Variants in ARK2N observed in about 807,000 individuals in gnomAD.
ARK2N encodes the protein protein ARK2N.
the ARK2N span, among the ~76,000 whole-genome samples, chr18:46,234,985 A>G: frequency 1.3e-5 from 2 of 152,076 alleles, no homozygotes; most frequent in South Asian, 2.1e-4. Flanking sequence ...GTATTTGTCC[A>G]TTGCCCCACC....
the ARK2N span, among the ~76,000 whole-genome samples, chr18:46,200,567 A>G: frequency 6.6e-6 from 1 of 152,122 alleles, no homozygotes; most frequent in African/African-American, 2.4e-5. Flanking sequence ...CAGCCTCCCA[A>G]AGTGCTGAGA....
At chr18:46,260,403 A>G in the ARK2N span, among the ~76,000 whole-genome samples, 3 of 152,142 alleles carry the variant, frequency 2.0e-5, 1 homozygote, top group South Asian at 6.2e-4. Context: ...ATAATCTAAA[A>G]TTTTGAAGTA....
the ARK2N span, among the ~76,000 whole-genome samples, chr18:46,178,656 C>A: frequency 6.6e-6 from 1 of 152,108 alleles, no homozygotes; most frequent in Non-Finnish European, 1.5e-5. Context: ...TGCAGTGGCT[C>A]ATGCCTGTAA....
At chr18:46,175,197 C>T in the ARK2N span, among the ~76,000 whole-genome samples, 1 of 151,424 alleles carries the variant, frequency 6.6e-6, no homozygotes, top group African/African-American at 2.4e-5. Flanking sequence ...CGGTACGAGC[C>T]CTACCAGATC....
the ARK2N span, among the ~76,000 whole-genome samples, chr18:46,250,306 C>T: frequency 6.6e-6 from 1 of 152,036 alleles, no homozygotes; most frequent in Non-Finnish European, 1.5e-5. Context: ...GTTATGTGAA[C>T]TGCTTATTGG....
the ARK2N span, chr18:46,215,955 A>G: frequency 2.5e-6 from 4 of 1,614,208 alleles, no homozygotes; most frequent in Non-Finnish European, 3.4e-6. Context: ...CATCTGAACA[A>G]GAGACAGCCA....
At chr18:46,194,114 G>T in the ARK2N span, among the ~76,000 whole-genome samples, 1 of 151,960 alleles carries the variant, frequency 6.6e-6, no homozygotes, top group Non-Finnish European at 1.5e-5. Flanking sequence ...TACATGCCTG[G>T]CTAATTTTTA....
the ARK2N span, among the ~76,000 whole-genome samples, chr18:46,199,357 C>T: frequency 6.6e-6 from 1 of 151,938 alleles, no homozygotes; most frequent in African/African-American, 2.4e-5. Flanking sequence ...CGCTGTTGCC[C>T]AGGCTGGAGT....
chr18:46,251,008 A>G, the ARK2N span, among the ~76,000 whole-genome samples: 1 of 152,222 alleles, frequency 6.6e-6, no homozygotes, highest in Admixed American at 6.5e-5. Flanking sequence ...CTCTGCATAT[A>G]TCGCAGGTTC....
chr18:46,248,270 C>T, the ARK2N span, among the ~76,000 whole-genome samples: 2 of 152,154 alleles, frequency 1.3e-5, no homozygotes, highest in Non-Finnish European at 2.9e-5. Context: ...GGGGAGACAA[C>T]GTCTTCAGGA....
chr18:46,236,700 A>G, the ARK2N span, among the ~76,000 whole-genome samples: 1 of 152,208 alleles, frequency 6.6e-6, no homozygotes, highest in Non-Finnish European at 1.5e-5. Flanking sequence ...TTGAAAGTCA[A>G]AACAGTCTCT....
chr18:46,224,230 T>C, the ARK2N span, among the ~76,000 whole-genome samples: 1 of 152,206 alleles, frequency 6.6e-6, no homozygotes. Flanking sequence ...AGGATGTGAT[T>C]TGTAGTATAT....
the ARK2N span, chr18:46,264,746 T>C: frequency 6.6e-6 from 1 of 152,054 alleles, no homozygotes; most frequent in Non-Finnish European, 1.5e-5. Flanking sequence ...TTTTTTTTTT[T>C]TTTTTGTAAA....
the ARK2N span, among the ~76,000 whole-genome samples, chr18:46,203,801 G>A: frequency 6.6e-6 from 1 of 152,068 alleles, no homozygotes; most frequent in Admixed American, 6.6e-5. Flanking sequence ...TGCCCAGGCT[G>A]GTCTCAAACT....
At chr18:46,241,899 C>A in the ARK2N span, among the ~76,000 whole-genome samples, 1 of 151,962 alleles carries the variant, frequency 6.6e-6, no homozygotes, top group Non-Finnish European at 1.5e-5. Flanking sequence ...TCACTGCAAC[C>A]TCCGCCTCCT....
chr18:46,259,243 CTTTT>C, the ARK2N span, among the ~76,000 whole-genome samples: 7 of 136,642 alleles, frequency 5.1e-5, no homozygotes, highest in Admixed American at 2.2e-4. Context: ...TTCTTTCTTT[CTTTT>C]TTTTTTTTTT....
the ARK2N span, among the ~76,000 whole-genome samples, chr18:46,211,375 A>T: frequency 3.6e-4 from 55 of 152,148 alleles, no homozygotes; most frequent in African/African-American, 1.2e-3. Context: ...GCTCAGCTAA[A>T]TTTTAAATTT....
the ARK2N span, among the ~76,000 whole-genome samples, chr18:46,201,746 A>T: frequency 6.6e-6 from 1 of 151,348 alleles, no homozygotes; most frequent in Admixed American, 6.6e-5. Flanking sequence ...TCATGGCAGG[A>T]ATATCAGATC....
the ARK2N span, among the ~76,000 whole-genome samples, chr18:46,192,118 G>A: frequency 6.6e-5 from 10 of 152,064 alleles, no homozygotes; most frequent in Admixed American, 2.0e-4. Flanking sequence ...CCAATTTTTG[G>A]TAGTGTGTTT....
Sources: gnomAD v4.1 joint callset for allele counts (sites outside exome capture counted in the v4.1 genomes callset) on GRCh38, gnomAD v4.1.1 for gene constraint, MANE v1.5 for transcripts, NCBI Gene and HGNC (gene_info 2026-07-23, HGNC 2026-07-21) for gene names.